Variants in CSMD1 observed in about 807,000 individuals in gnomAD.
CSMD1 encodes the protein CUB and Sushi multiple domains 1.
A neutral mutation model predicts 417.5 loss-of-function variants in CSMD1; 213 were observed. The observed-to-expected ratio is 0.51, with a 90% CI of 0.46 to 0.57. The LOEUF (loss-of-function observed/expected upper bound fraction) is 0.57, where lower values mean the gene tolerates loss of function less well. CSMD1 is among the 20% of genes least tolerant of loss of function. CSMD1 has a pLI of 0.00. For synonymous variants in CSMD1, 2,862 were observed against 1,736.8 expected, an observed-to-expected ratio of 1.65 and a Z score of -16.11; for missense variants, 6,923 against 4,529.7, an observed-to-expected ratio of 1.53 and a Z score of -15.17.
chr8:4,156,297 C>T (rs1796830804), intron 3 of CSMD1, among the ~76,000 whole-genome samples: 1 of 152,112 alleles, frequency 6.6e-6, no homozygotes, highest in Non-Finnish European at 1.5e-5. Flanking sequence ...AAAATGCTTT[C>T]TCCTTTTCAA....
At chr8:3,246,228 C>G (rs772136793) in intron 26 of CSMD1, among the ~76,000 whole-genome samples, 18 of 152,146 alleles carry the variant, frequency 1.2e-4, no homozygotes, top group Non-Finnish European at 2.4e-4. Flanking sequence ...CACACATCCA[C>G]TGTGCCTCAC....
chr8:3,537,650 T>C (rs542957896), intron 10 of CSMD1, among the ~76,000 whole-genome samples: 5 of 152,336 alleles, frequency 3.3e-5, no homozygotes. Flanking sequence ...GCATCATTTA[T>C]TTCAGGCAAA....
At position 3,622,042 on chromosome 8, in the gene CSMD1, A is replaced by G. The variant is rs112601875; in HGVS notation, c.1010-5245T>C. Among the ~76,000 whole-genome samples, 997 of 151,450 alleles carry G rather than the reference A, an allele frequency of 6.6e-3. 6 individuals carry two copies. Among genetic ancestry groups the G allele is most frequent in the African/African-American group, 0.023 (965 of 41,188 alleles). On this transcript the variant is annotated intron_variant, in intron 7 of 69. Transcript: ENST00000635120. ...GTTTGAATAGGTCTGTATTTCTAACATTCTGATACTCTACTACTTTTCTCT... is the reference window on the plus strand; with the variant it reads ...GTTTGAATAGGTCTGTATTTCTAACGTTCTGATACTCTACTACTTTTCTCT...
chr8:3,875,839 C>G (rs1433988209), intron 5 of CSMD1, among the ~76,000 whole-genome samples: 1 of 152,156 alleles, frequency 6.6e-6, no homozygotes, highest in African/African-American at 2.4e-5. Flanking sequence ...GCAGATCAAT[C>G]AAGGATTGCC....
At chr8:2,988,678 C>A (rs1291184812) in intron 54 of CSMD1, among the ~76,000 whole-genome samples, 2 of 152,194 alleles carry the variant, frequency 1.3e-5, no homozygotes, top group African/African-American at 4.8e-5. Context: ...GATACTACTA[C>A]TAATAAAAGG....
At chr8:3,060,917 G>A (rs1812550678) in intron 49 of CSMD1, among the ~76,000 whole-genome samples, 1 of 152,116 alleles carries the variant, frequency 6.6e-6, no homozygotes, top group South Asian at 2.1e-4. Flanking sequence ...GAGATGCTGT[G>A]GGTATGCTGT....
At chr8:3,073,302 T>C (rs537583635) in intron 49 of CSMD1, among the ~76,000 whole-genome samples, 3 of 152,068 alleles carry the variant, frequency 2.0e-5, no homozygotes, top group East Asian at 1.9e-4. Context: ...TGATTTAACA[T>C]AGAAAGTAGT....
intron 5 of CSMD1, among the ~76,000 whole-genome samples, chr8:3,764,843 T>G (rs1798187331): frequency 6.6e-6 from 1 of 151,302 alleles, no homozygotes; most frequent in Non-Finnish European, 1.5e-5. Context: ...GCTGCCTGGG[T>G]TCAAGGGATT....
chr8:4,442,591 C>A (rs1050852151), intron 2 of CSMD1, among the ~76,000 whole-genome samples: 2 of 152,104 alleles, frequency 1.3e-5, no homozygotes, highest in African/African-American at 4.8e-5. Context: ...ATAGCTCTTC[C>A]CCAAATTGGC....
intron 10 of CSMD1, among the ~76,000 whole-genome samples, chr8:3,571,861 G>C (rs994624416): frequency 6.6e-6 from 1 of 152,012 alleles, no homozygotes; most frequent in Admixed American, 6.5e-5. Context: ...TGCGTCTCAC[G>C]TCTCCTTCTG....
chr8:3,651,382 C>G (rs541218671), intron 7 of CSMD1, among the ~76,000 whole-genome samples: 1 of 152,228 alleles, frequency 6.6e-6, no homozygotes, highest in Non-Finnish European at 1.5e-5. Context: ...CCTCTTCATT[C>G]ACAATATGGA....
At chr8:3,896,451 G>C (rs777633926) in intron 5 of CSMD1, among the ~76,000 whole-genome samples, 9 of 152,032 alleles carry the variant, frequency 5.9e-5, no homozygotes, top group Non-Finnish European at 1.2e-4. Flanking sequence ...TGAACACTTG[G>C]GAGAGAAAGT....
intron 5 of CSMD1, among the ~76,000 whole-genome samples, chr8:3,831,026 C>G (rs1418614695): frequency 6.6e-6 from 1 of 152,144 alleles, no homozygotes; most frequent in Non-Finnish European, 1.5e-5. Flanking sequence ...GCTCTGAAGG[C>G]AGCTTAATGC....
chr8:4,810,416 A>G (rs1798828743), intron 1 of CSMD1, among the ~76,000 whole-genome samples: 1 of 152,314 alleles, frequency 6.6e-6, no homozygotes, highest in Non-Finnish European at 1.5e-5. Context: ...CTTCAAACTC[A>G]CTATGCAGGG....
At chr8:3,184,686 T>C (rs1821634741) in intron 36 of CSMD1, among the ~76,000 whole-genome samples, 1 of 152,266 alleles carries the variant, frequency 6.6e-6, no homozygotes, top group Admixed American at 6.5e-5. Context: ...CTTCCTGATC[T>C]ATACTGTGCT....
Position 2,961,171 on chromosome 8 carries a change from A to C in CSMD1, c.9672T>G (p.Phe3224Leu). ...NTCPDPGTPH[F>L]GIQNSSRGYE... ...AGCCTCTGGAGCTATTCTGTATTCC[A>C]AAGTGTGGCGTACCAGGGTCTGGGC... The change falls in exon 62 of 70, where the codon TTT (phenylalanine) becomes TTG (leucine). Residue 3224 changes from phenylalanine to leucine, a missense_variant. Phe to Leu is a conservative substitution (Grantham distance 22). Transcript: ENST00000635120. 3 of 1,603,472 alleles carry C rather than the reference A, an allele frequency of 1.9e-6. No individual in the cohort carries two copies. The highest frequency in any genetic ancestry group is 2.6e-6 in the Non-Finnish European group (3 of 1,173,078).
At chr8:4,594,195 CTTTTTTT>C (rs771415822) in intron 2 of CSMD1, among the ~76,000 whole-genome samples, 1 of 92,374 alleles carries the variant, frequency 1.1e-5, no homozygotes, top group Non-Finnish European at 2.1e-5. Context: ...CTAAAGTGAT[CTTTTTTT>C]TTTTTTTTTT....
intron 3 of CSMD1, among the ~76,000 whole-genome samples, chr8:4,035,006 C>T (rs576518239): frequency 3.3e-5 from 5 of 152,040 alleles, no homozygotes; most frequent in Admixed American, 3.3e-4. Flanking sequence ...GTTAAAAGGG[C>T]CTGAAATTAT....
chr8:3,340,912 A>C (rs1807599547), intron 23 of CSMD1, among the ~76,000 whole-genome samples: 1 of 152,166 alleles, frequency 6.6e-6, no homozygotes, highest in South Asian at 2.1e-4. Context: ...ACTCCTGTCA[A>C]ATTGATTATA....
Sources: allele counts gnomAD v4.1 joint callset (sites outside exome capture counted in the v4.1 genomes callset), GRCh38; gene constraint gnomAD v4.1.1; transcripts MANE v1.5; gene names NCBI Gene and HGNC (gene_info 2026-07-23, HGNC 2026-07-21).